Variants in HSPA4L observed in about 807,000 individuals in gnomAD.
The protein encoded by HSPA4L is heat shock 70 kDa protein 4L.
HSPA4L carries 48 observed loss-of-function variants against 100.3 expected under a neutral mutation model. That is an observed-to-expected ratio of 0.48 (90% CI 0.38 to 0.61). HSPA4L has a LOEUF of 0.61. Among genes scored for constraint, HSPA4L ranks in the 20% least tolerant of loss-of-function variants. HSPA4L has a pLI of 0.00. For synonymous variants in HSPA4L, 319 were observed against 328.2 expected (o/e 0.97, Z 0.30); for missense variants, 886 against 988.6 (o/e 0.90, Z 1.39).
intron 16 of HSPA4L, among the ~76,000 whole-genome samples, chr4:127,825,008 C>A (rs539066987): frequency 2.0e-5 from 3 of 151,816 alleles, no homozygotes; most frequent in Non-Finnish European, 4.4e-5. Context: ...AGCGTGGTGG[C>A]GGGCACCTGT....
At chr4:127,819,351 A>C (rs1445662820) in intron 13 of HSPA4L, among the ~76,000 whole-genome samples, 1 of 152,180 alleles carries the variant, frequency 6.6e-6, no homozygotes, top group South Asian at 2.1e-4. Context: ...ACCTGCATAG[A>C]TTAAATTCTA....
At chr4:127,820,675 A>G in intron 14 of HSPA4L, 110 bp downstream of exon 14, 3 of 963,752 alleles carry the variant, frequency 3.1e-6, no homozygotes, top group Non-Finnish European at 4.7e-6. Flanking sequence ...CTCCTAAGGA[A>G]TTATATTAAG....
At chr4:127,782,705 T>G in intron 1 of HSPA4L, 48 bp downstream of exon 1, 1 of 1,341,938 alleles carries the variant, frequency 7.5e-7, no homozygotes, top group Non-Finnish European at 1.0e-6. Flanking sequence ...AACGTTTTTC[T>G]CTCCCGTCCT....
In HSPA4L at chr4:127,832,958, C is replaced by T; in HGVS notation, c.*84C>T. 1.0e-6 allele frequency: 1 copy of T among 957,826 alleles called. No individual in the cohort carries two copies. Among genetic ancestry groups the T allele is most frequent in the East Asian group, 2.7e-5 (1 of 37,016 alleles). 59.3% of individuals were successfully genotyped at this position (957,826 alleles called of 1,614,324 possible). A position where few individuals can be genotyped will look rare whatever the true frequency, so the allele number is the denominator to read the frequency against. On this transcript the variant is annotated 3_prime_UTR_variant, in exon 19 of 19. Transcript: ENST00000296464. Reference sequence around the variant, plus strand: ...TTACATCTGGTACACACAACAGACGCTCAGTTGTTCTTAACCACTTTTGTC... The same window carrying T: ...TTACATCTGGTACACACAACAGACGTTCAGTTGTTCTTAACCACTTTTGTC...
chr4:127,782,163 G>T (rs1320744125), upstream of HSPA4L: 9 of 427,204 alleles, frequency 2.1e-5, no homozygotes, highest in African/African-American at 1.0e-4. Context: ...TCTCGAACCC[G>T]CAGCTTCTTG....
Position 127,834,137 on chromosome 4 carries a change from C to G in HSPA4L, c.*1263C>G, listed in dbSNP as rs578019839. The G allele has an allele frequency of 1.3e-5, 2 of 152,220 alleles. No individual in the cohort carries two copies. Among genetic ancestry groups the G allele is most frequent in the Non-Finnish European group, 2.9e-5 (2 of 67,988 alleles). The allele number at this position is 152,220 out of a possible 1,614,324, so 9.4% of individuals were successfully genotyped here. ...ACTTGTTCACATTGTTAATTTCTGT[C>G]CAGAGACCTGAAACTGCTTAAGTAT... On this transcript the variant is annotated 3_prime_UTR_variant, in exon 19 of 19. Coordinates refer to ENST00000296464, the MANE Select transcript of HSPA4L (RefSeq NM_014278.4).
At chr4:127,807,113 G>C (rs1245490834) in intron 10 of HSPA4L, among the ~76,000 whole-genome samples, 1 of 151,900 alleles carries the variant, frequency 6.6e-6, no homozygotes, top group Non-Finnish European at 1.5e-5. Flanking sequence ...AAAGTAGAAG[G>C]TATTGGTAGT....
At position 127,795,782 on chromosome 4, in the gene HSPA4L, A is replaced by C. The variant is rs1192730337; in HGVS notation, c.180A>C (p.Val60=). The part of the protein sequence containing the change: ...NAAKSQIVTN[V]RNTIHGFKKL... Reference sequence around the variant, plus strand: ...ACTGCCAACAGATAGTCACGAACGTAAGAAATACAATTCATGGCTTCAAAA... The same window carrying C: ...ACTGCCAACAGATAGTCACGAACGTCAGAAATACAATTCATGGCTTCAAAA... Residue 60 remains valine (V), a synonymous_variant, in exon 3 of 19, where the codon GTA becomes GTC. Coordinates refer to ENST00000296464, the MANE Select transcript of HSPA4L (RefSeq NM_014278.4). The C allele has an allele frequency of 4.3e-6, 7 of 1,613,502 alleles. No homozygotes were observed. The highest frequency in any genetic ancestry group is 1.6e-4 in the Middle Eastern group (1 of 6,082).
At chr4:127,783,658 C>T in intron 1 of HSPA4L, 2 of 1,535,500 alleles carry the variant, frequency 1.3e-6, no homozygotes, top group Non-Finnish European at 1.7e-6. Context: ...CTGTATGAAA[C>T]CTATATTACT....
At chr4:127,784,579 C>G (rs1270696580) in intron 1 of HSPA4L, among the ~76,000 whole-genome samples, 1 of 152,252 alleles carries the variant, frequency 6.6e-6, no homozygotes, top group East Asian at 1.9e-4. Context: ...AAAGGATATT[C>G]TCACTTAGCT....
rs1277641825 is a variant in HSPA4L, at chr4:127,803,770, G to T, written c.805G>T (p.Glu269Ter). Residue 269 changes from glutamate (E) to a stop codon, truncating the protein, a stop_gained, in exon 7 of 19, where the codon GAA becomes TAA. Coordinates refer to ENST00000296464, the MANE Select transcript of HSPA4L (RefSeq NM_014278.4). LOFTEE classifies it high-confidence loss of function. ...TCGGGCCTTGTTGCGTTTATATCAG[G>T]AATGTGAAAAACTAAAGAAGCTAAT... ...NSRALLRLYQECEKLKKLMSA... is the reference protein window; with the variant it reads ...NSRALLRLYQ 6.2e-7 allele frequency: 1 copy of T among 1,613,938 alleles called. No homozygotes were observed. The highest frequency in any genetic ancestry group is 8.5e-7 in the Non-Finnish European group (1 of 1,179,958).
chr4:127,805,296 T>TA (rs1733320955), intron 9 of HSPA4L, 72 bp downstream of exon 9: 1 of 1,158,596 alleles, frequency 8.6e-7, no homozygotes, highest in Admixed American at 2.3e-5. Flanking sequence ...AGGGGCCTTT[T>TA]AATGTTATCT....
At position 127,812,755 on chromosome 4, in the gene HSPA4L, T is replaced by C. The variant is rs1733571769; in HGVS notation, c.1578+1119T>C. On this transcript the variant is annotated intron_variant, in intron 12 of 18. Transcript: ENST00000296464. ...TTCATAGGGAATAGGTTCCAGCAGC[T>C]CAGGCTCCTTCCCATTGGTTCTCAC... 11 of 1,401,934 alleles carry C rather than the reference T, an allele frequency of 7.8e-6. No individual in the cohort carries two copies. In the South Asian group the frequency reaches 1.2e-4, roughly 15 times the overall value. 86.8% of individuals were successfully genotyped at this position (1,401,934 alleles called of 1,614,324 possible).
intron 11 of HSPA4L, among the ~76,000 whole-genome samples, chr4:127,810,141 GA>G (rs953875812): frequency 4.6e-5 from 7 of 151,032 alleles, no homozygotes; most frequent in African/African-American, 7.3e-5. Context: ...AAAAATAATA[GA>G]AAAAAAAGGA....
Position 127,839,711 on chromosome 4 carries a change from G to A in HSPA4L, c.*6837G>A, listed in dbSNP as rs1734319158. On this transcript the variant is annotated 3_prime_UTR_variant, in exon 19 of 19. Transcript: ENST00000296464. ...CTCTGTCTCAAAAAAAAAAAAAAGTGTAATTAGAAATGGAAATCTAGGTAA... is the reference window on the plus strand; with the variant it reads ...CTCTGTCTCAAAAAAAAAAAAAAGTATAATTAGAAATGGAAATCTAGGTAA... The A allele has an allele frequency of 6.6e-6, 1 of 151,358 alleles. No homozygotes were observed. The highest frequency in any genetic ancestry group is 2.1e-4 in the South Asian group (1 of 4,794). 9.4% of individuals were successfully genotyped at this position (151,358 alleles called of 1,614,324 possible). A position where few individuals can be genotyped will look rare whatever the true frequency, so the allele number is the denominator to read the frequency against.
chr4:127,782,308 G>A, upstream of HSPA4L: 1 of 500,178 alleles, frequency 2.0e-6, no homozygotes, highest in Non-Finnish European at 3.6e-6. Context: ...GCCGGTTGGA[G>A]GCGGCCGAAC....
At position 127,840,607 on chromosome 4, in the gene HSPA4L, G is replaced by A. The variant is rs1734343677; in HGVS notation, c.*7733G>A. ...TCAAAGCATATAAAATATTTTCTAT[G>A]TAAGTAAATTGCATCTTTATGCTAG... On this transcript the variant is annotated 3_prime_UTR_variant, in exon 19 of 19. Coordinates refer to ENST00000296464, the MANE Select transcript of HSPA4L (RefSeq NM_014278.4). 6.6e-6 allele frequency: 1 copy of A among 152,188 alleles called. No individual in the cohort carries two copies. The highest frequency in any genetic ancestry group is 6.5e-5 in the Admixed American group (1 of 15,284). 9.4% of individuals were successfully genotyped at this position (152,188 alleles called of 1,614,324 possible). A position where few individuals can be genotyped will look rare whatever the true frequency, so the allele number is the denominator to read the frequency against.
intron 3 of HSPA4L, among the ~76,000 whole-genome samples, 155 bp from the exon 4 acceptor site, chr4:127,798,432 A>G (rs1733082969): frequency 6.6e-6 from 1 of 152,224 alleles, no homozygotes; most frequent in Admixed American, 6.5e-5. Flanking sequence ...TAATGGGATC[A>G]TGATTCTAAA....
intron 1 of HSPA4L, among the ~76,000 whole-genome samples, chr4:127,791,095 T>G (rs1343015316): frequency 6.6e-6 from 1 of 151,664 alleles, no homozygotes; most frequent in East Asian, 1.9e-4. Flanking sequence ...AGCAAGACCC[T>G]GTCTCCAAAA....
Sources: allele counts gnomAD v4.1 joint callset (sites outside exome capture counted in the v4.1 genomes callset), GRCh38; gene constraint gnomAD v4.1.1; transcripts MANE v1.5; gene names NCBI Gene and HGNC (gene_info 2026-07-23, HGNC 2026-07-21).